KHDRBS2: variants seen among roughly 807,000 people sequenced by gnomAD.
KHDRBS2 encodes KH domain-containing, RNA-binding, signal transduction-associated protein 2.
Under a neutral mutation model 44.3 loss-of-function variants are expected in KHDRBS2, and 26 were observed. That is an observed-to-expected ratio of 0.59 (90% CI 0.43 to 0.81). The LOEUF is 0.81. Among genes scored for constraint, KHDRBS2 ranks in the 40% least tolerant of loss-of-function variants. The pLI, the probability that KHDRBS2 is intolerant of heterozygous loss-of-function variation, is 0.00. For synonymous variants in KHDRBS2, 194 were observed against 151.1 expected (o/e 1.28, Z -2.08); for missense variants, 476 against 433.1 (o/e 1.10, Z -0.88).
intron 2 of KHDRBS2, among the ~76,000 whole-genome samples, chr6:62,099,302 C>T (rs1801330602): frequency 6.6e-6 from 1 of 152,152 alleles, no homozygotes; most frequent in African/African-American, 2.4e-5. Flanking sequence ...TCTAAACAGG[C>T]TAATTACTAT....
rs554107018 is a variant in KHDRBS2, at chr6:62,035,743, A to T, written c.336+12135T>A. On this transcript the variant is annotated intron_variant, in intron 3 of 8. Transcript: ENST00000281156. The stretch of plus-strand genomic sequence containing the variant: ...TTACACATTGCATCCCTGTATCAAA[A>T]CATCTTATGTACCCCATAAATATAT... Among the ~76,000 whole-genome samples the T allele has an allele frequency of 5.3e-5, 8 of 152,164 alleles. No individual in the cohort carries two copies. In the South Asian group the frequency reaches 1.0e-3, roughly 20 times the overall value.
At chr6:62,225,627 C>T (rs780577732) in intron 1 of KHDRBS2, among the ~76,000 whole-genome samples, 13 of 152,158 alleles carry the variant, frequency 8.5e-5, no homozygotes, top group Middle Eastern at 3.2e-3. Flanking sequence ...CCTACCAACT[C>T]GTCATGTAGG....
At chr6:61,562,809 T>C in the KHDRBS2 span, among the ~76,000 whole-genome samples, 3 of 152,294 alleles carry the variant, frequency 2.0e-5, no homozygotes, top group African/African-American at 7.2e-5. Flanking sequence ...CTAACACAGA[T>C]GGTTACTCCA....
the KHDRBS2 span, among the ~76,000 whole-genome samples, chr6:61,555,370 T>A: frequency 6.6e-6 from 1 of 152,224 alleles, no homozygotes; most frequent in Admixed American, 6.5e-5. Flanking sequence ...CAGTTTGTTT[T>A]TTTCTGAAAA....
chr6:61,885,237 T>A (rs1326666634), intron 6 of KHDRBS2, among the ~76,000 whole-genome samples: 1 of 151,878 alleles, frequency 6.6e-6, no homozygotes, highest in Non-Finnish European at 1.5e-5. Flanking sequence ...CTGTAGCTGG[T>A]TGATAGAAAA....
intron 4 of KHDRBS2, among the ~76,000 whole-genome samples, chr6:61,926,090 T>C (rs891565879): frequency 6.6e-6 from 1 of 152,186 alleles, no homozygotes; most frequent in African/African-American, 2.4e-5. Context: ...TAATGTTATA[T>C]AAAAGTACTG....
intron 6 of KHDRBS2, among the ~76,000 whole-genome samples, chr6:61,779,319 T>A (rs961003024): frequency 6.6e-6 from 1 of 152,172 alleles, no homozygotes; most frequent in Non-Finnish European, 1.5e-5. Flanking sequence ...CCCATGGAGT[T>A]TCTATGGTAT....
chr6:61,976,581 T>G (rs1347218042), intron 4 of KHDRBS2, among the ~76,000 whole-genome samples: 2 of 152,166 alleles, frequency 1.3e-5, no homozygotes, highest in East Asian at 1.9e-4. Context: ...ATTAATATTC[T>G]GCTTTATAAT....
At chr6:61,567,913 A>T in the KHDRBS2 span, among the ~76,000 whole-genome samples, 1 of 152,062 alleles carries the variant, frequency 6.6e-6, no homozygotes, top group Admixed American at 6.5e-5. Context: ...CAGAATTCAA[A>T]TTTTTTTATC....
intron 6 of KHDRBS2, among the ~76,000 whole-genome samples, chr6:61,845,982 T>C (rs1401953682): frequency 1.3e-5 from 2 of 152,120 alleles, no homozygotes; most frequent in Non-Finnish European, 2.9e-5. Flanking sequence ...ATCGTGATAG[T>C]GAGTTTTCAT....
chr6:61,907,639 C>T (rs577784928), intron 4 of KHDRBS2, among the ~76,000 whole-genome samples: 2 of 152,216 alleles, frequency 1.3e-5, no homozygotes, highest in South Asian at 4.1e-4. Flanking sequence ...ATCCAGTTTT[C>T]CCAGCAACAT....
intron 6 of KHDRBS2, among the ~76,000 whole-genome samples, chr6:61,775,196 G>T (rs1267157891): frequency 2.0e-5 from 3 of 152,042 alleles, no homozygotes; most frequent in Non-Finnish European, 4.4e-5. Context: ...TACTGAATGG[G>T]CAAAAACTGG....
At chr6:62,200,131 C>G (rs913185533) in intron 1 of KHDRBS2, among the ~76,000 whole-genome samples, 5 of 152,062 alleles carry the variant, frequency 3.3e-5, no homozygotes, top group African/African-American at 1.2e-4. Context: ...CCATAAAAAC[C>G]CTAGAAGCAA....
intron 2 of KHDRBS2, among the ~76,000 whole-genome samples, chr6:62,135,192 AT>A (rs1811239954): frequency 1.3e-5 from 2 of 152,094 alleles, no homozygotes; most frequent in African/African-American, 2.4e-5. Context: ...CATGGGGGCA[AT>A]TTTCCCCATA....
intron 3 of KHDRBS2, among the ~76,000 whole-genome samples, chr6:61,992,733 A>G (rs1369916679): frequency 6.6e-6 from 1 of 152,216 alleles, no homozygotes. Flanking sequence ...ATTTGTATTA[A>G]TCATTTTAAT....
intron 7 of KHDRBS2, among the ~76,000 whole-genome samples, chr6:61,699,842 C>G (rs1768373015): frequency 6.6e-6 from 1 of 151,996 alleles, no homozygotes; most frequent in Admixed American, 6.6e-5. Context: ...TCAGCCCTCA[C>G]TGCCCAACAT....
chr6:61,621,151 A>G, the KHDRBS2 span, among the ~76,000 whole-genome samples: 1 of 152,182 alleles, frequency 6.6e-6, no homozygotes, highest in Non-Finnish European at 1.5e-5. Flanking sequence ...AGTAGAATGT[A>G]GGGTACAGAA....
At chr6:61,822,993 A>G (rs1790199917) in intron 6 of KHDRBS2, among the ~76,000 whole-genome samples, 2 of 152,110 alleles carry the variant, frequency 1.3e-5, no homozygotes, top group Admixed American at 6.6e-5. Context: ...CTATGTGGGT[A>G]GTTTTTTTTT....
At chr6:62,146,585 T>C (rs1813993979) in intron 2 of KHDRBS2, among the ~76,000 whole-genome samples, 1 of 151,892 alleles carries the variant, frequency 6.6e-6, no homozygotes, top group African/African-American at 2.4e-5. Context: ...AAATATGTTC[T>C]CTACTACAAT....
Sources: gnomAD v4.1 joint callset for allele counts (sites outside exome capture counted in the v4.1 genomes callset) on GRCh38, gnomAD v4.1.1 for gene constraint, MANE v1.5 for transcripts, NCBI Gene and HGNC (gene_info 2026-07-23, HGNC 2026-07-21) for gene names.